Variants in DLGAP1 observed in about 807,000 individuals in gnomAD.
The protein encoded by DLGAP1 is disks large-associated protein 1.
Under a neutral mutation model 90.8 loss-of-function variants are expected in DLGAP1, and 11 were observed. The ratio of observed to expected loss-of-function variants is 0.12; its 90% CI spans 0.08 to 0.20. The LOEUF is 0.20. Ranked by LOEUF, DLGAP1 falls within the 10% of genes least tolerant of loss-of-function variation. The probability of loss-of-function intolerance (pLI) is 1.00; values close to 1 mark genes in which losing one functional copy is unlikely to be tolerated. For missense variants in DLGAP1, 1,050 were observed against 1,333.8 expected (o/e 0.79, Z 3.31); for synonymous variants, 558 against 540.7 (o/e 1.03, Z -0.44).
intron 5 of DLGAP1, among the ~76,000 whole-genome samples, chr18:3,798,511 G>A (rs574621768): frequency 3.9e-5 from 6 of 152,230 alleles, no homozygotes; most frequent in Non-Finnish European, 7.3e-5. Flanking sequence ...GACCCTGGGG[G>A]ATTGACTTGG....
chr18:3,781,976 ATTGTTGTTT>A (rs1165842585), intron 5 of DLGAP1, among the ~76,000 whole-genome samples: 1 of 152,032 alleles, frequency 6.6e-6, no homozygotes, highest in African/African-American at 2.4e-5. Flanking sequence ...TGTTGTTGTT[ATTGTTGTTT>A]TTTTGTTGTT....
At position 4,348,400 on chromosome 18, in the gene DLGAP1, A is replaced by ATGTGTATGTGTGTGTGTGTGTGTG. The variant is rs71368742; in HGVS notation, c.-267+106605_-267+106606insCACACACACACACACACATACACA. On this transcript the variant is annotated intron_variant, in intron 1 of 12. Transcript: ENST00000315677. ...CAGGTGCCTCAGGATGAACTCAGGA[A>ATGTGTATGTGTGTGTGTGTGTGTG]TGTGTGTGTGTGTGTGTGTGTGTGT... 1.6e-3 allele frequency among the ~76,000 whole-genome samples: 216 copies of ATGTGTATGTGTGTGTGTGTGTGTG among 133,552 alleles called. 4 individuals are homozygous for ATGTGTATGTGTGTGTGTGTGTGTG. Among genetic ancestry groups the ATGTGTATGTGTGTGTGTGTGTGTG allele is most frequent in the African/African-American group, 5.8e-3 (191 of 32,704 alleles). 87.6% of individuals were successfully genotyped at this position (133,552 alleles called of 152,430 possible).
intron 3 of DLGAP1, among the ~76,000 whole-genome samples, chr18:3,959,919 C>T (rs2073164162): frequency 6.6e-6 from 1 of 152,170 alleles, no homozygotes; most frequent in African/African-American, 2.4e-5. Context: ...GCCTTTTACA[C>T]TTACATCACA....
At chr18:4,203,743 C>A (rs76674292) in intron 1 of DLGAP1, among the ~76,000 whole-genome samples, 157 of 152,260 alleles carry the variant, frequency 1.0e-3, no homozygotes, top group Non-Finnish European at 1.1e-3. Flanking sequence ...ACTAATACAA[C>A]ATGGTACTTG....
chr18:4,055,455 C>T (rs974542717), intron 2 of DLGAP1, among the ~76,000 whole-genome samples: 1 of 152,112 alleles, frequency 6.6e-6, no homozygotes, highest in African/African-American at 2.4e-5. Flanking sequence ...CTCAAGTGGG[C>T]CCCGGTGTCG....
chr18:4,438,230 A>G (rs1405880625), intron 1 of DLGAP1, among the ~76,000 whole-genome samples: 2 of 152,104 alleles, frequency 1.3e-5, no homozygotes, highest in African/African-American at 4.8e-5. Flanking sequence ...AACATGGTGC[A>G]TGGCGAATAA....
At chr18:4,436,979 A>G (rs573679460) in intron 1 of DLGAP1, among the ~76,000 whole-genome samples, 22 of 152,178 alleles carry the variant, frequency 1.4e-4, no homozygotes, top group Admixed American at 8.5e-4. Flanking sequence ...TTGAAGAAAC[A>G]AAGAAGAAAT....
At chr18:3,970,342 A>G (rs978633318) in intron 3 of DLGAP1, among the ~76,000 whole-genome samples, 1 of 152,210 alleles carries the variant, frequency 6.6e-6, no homozygotes, top group Non-Finnish European at 1.5e-5. Context: ...ACAAAGGAAA[A>G]GAAAATAAAA....
chr18:4,111,861 G>A lies in DLGAP1; in HGVS notation c.-159+39319C>T, dbSNP rs562708857. 3.3e-5 allele frequency among the ~76,000 whole-genome samples: 5 copies of A among 151,702 alleles called. No homozygotes were observed. The East Asian group carries it at 9.6e-4, about 29-fold the overall frequency. ...GGTCAGTCTAACTAAAGGGATGCCA[G>A]CTTTGTTGATGTTTTCAAATAATAA... On this transcript the variant is annotated intron_variant, in intron 2 of 12. Transcript: ENST00000315677.
intron 7 of DLGAP1, among the ~76,000 whole-genome samples, chr18:3,719,575 AAAAG>A (rs1568010939): frequency 6.6e-6 from 1 of 150,904 alleles, no homozygotes; most frequent in South Asian, 2.1e-4. Context: ...AAAAAAAAAA[AAAAG>A]AAAGAAAGAA....
intron 7 of DLGAP1, among the ~76,000 whole-genome samples, chr18:3,612,657 C>T (rs1033974327): frequency 3.3e-5 from 5 of 152,226 alleles, no homozygotes; most frequent in African/African-American, 1.2e-4. Flanking sequence ...CCCTGTAACA[C>T]ACTCAAAATT....
Position 3,599,065 on chromosome 18 carries a change from C to T in DLGAP1, c.1592-16817G>A, listed in dbSNP as rs192969618. Among the ~76,000 whole-genome samples, 145 of 152,292 alleles carry T rather than the reference C, an allele frequency of 9.5e-4. 1 individual carries two copies. Among genetic ancestry groups the T allele is most frequent in the East Asian group, 6.4e-3 (33 of 5,176 alleles). On this transcript the variant is annotated intron_variant, in intron 7 of 12. Transcript: ENST00000315677. ...CTGGGATTACAGGCGTGAGCCACTG[C>T]GCCCAGCAAAGACTGTGTTTAAAAT...
chr18:3,760,455 A>G (rs1050301358), intron 5 of DLGAP1, among the ~76,000 whole-genome samples: 4 of 152,130 alleles, frequency 2.6e-5, no homozygotes, highest in African/African-American at 9.7e-5. Context: ...GAAATAATCT[A>G]TCTTAATACT....
chr18:4,090,815 C>T (rs544642802), intron 2 of DLGAP1, among the ~76,000 whole-genome samples: 1 of 152,146 alleles, frequency 6.6e-6, no homozygotes, highest in African/African-American at 2.4e-5. Flanking sequence ...CAGCGCTATT[C>T]ACAATAGCAA....
intron 1 of DLGAP1, among the ~76,000 whole-genome samples, chr18:4,177,307 T>C (rs2077125465): frequency 6.6e-6 from 1 of 151,852 alleles, no homozygotes; most frequent in Non-Finnish European, 1.5e-5. Flanking sequence ...GTGGCTGTTT[T>C]CATGATTAAA....
intron 1 of DLGAP1, among the ~76,000 whole-genome samples, chr18:4,347,998 T>C (rs536242417): frequency 5.4e-4 from 82 of 152,206 alleles, no homozygotes; most frequent in African/African-American, 1.9e-3. Context: ...AATTAAGATA[T>C]TAATCCTTCA....
chr18:4,301,651 C>A (rs1039204020), intron 1 of DLGAP1, among the ~76,000 whole-genome samples: 2 of 152,136 alleles, frequency 1.3e-5, no homozygotes, highest in Non-Finnish European at 2.9e-5. Context: ...GATTTCAAAT[C>A]TTCAGGGTAA....
At chr18:4,104,807 T>C (rs1292587214) in intron 2 of DLGAP1, among the ~76,000 whole-genome samples, 3 of 152,212 alleles carry the variant, frequency 2.0e-5, no homozygotes, top group African/African-American at 7.2e-5. Flanking sequence ...TGTTCTTCTC[T>C]TCTCGAGTTC....
chr18:3,936,046 G>T (rs535059907), intron 3 of DLGAP1, among the ~76,000 whole-genome samples: 2 of 151,656 alleles, frequency 1.3e-5, no homozygotes, highest in Non-Finnish European at 2.9e-5. Context: ...GGGCATTCCA[G>T]CCTCTGCTGG....
Sources: allele counts gnomAD v4.1 joint callset (sites outside exome capture counted in the v4.1 genomes callset), GRCh38; gene constraint gnomAD v4.1.1; transcripts MANE v1.5; gene names NCBI Gene and HGNC (gene_info 2026-07-23, HGNC 2026-07-21).